The following SULT1C3 variants were observed in gnomAD, a reference collection of about 807,000 sequenced individuals.
The protein encoded by SULT1C3 is sulfotransferase 1C3.
In SULT1C3, 31 loss-of-function variants were observed where a neutral mutation model predicts 28.4. The ratio of observed to expected loss-of-function variants is 1.09; its 90% CI spans 0.82 to 1.47. The LOEUF (loss-of-function observed/expected upper bound fraction) is 1.47, where lower values mean the gene tolerates loss of function less well. Among genes scored for constraint, SULT1C3 ranks in the 40% most tolerant of loss-of-function variants. The pLI, the probability that SULT1C3 is intolerant of heterozygous loss-of-function variation, is 0.00. For missense variants in SULT1C3, 307 were observed against 272.5 expected (o/e 1.13, Z -0.89); for synonymous variants, 106 against 92.2 (o/e 1.15, Z -0.86).
At chr2:108,241,667 C>T (rs1271275729) in intron 1 of SULT1C3, among the ~76,000 whole-genome samples, 1 of 152,112 alleles carries the variant, frequency 6.6e-6, no homozygotes, top group Non-Finnish European at 1.5e-5. Flanking sequence ...GTGGCTCATG[C>T]CTGTAATCCC....
chr2:108,252,333 T>C (rs1558663770), intron 2 of SULT1C3, 32 bp from the exon 3 acceptor site: 2 of 1,575,892 alleles, frequency 1.3e-6, no homozygotes, highest in East Asian at 2.3e-5. Flanking sequence ...TTCAATTGAC[T>C]AAAATTAAAG....
rs117877224 is a variant in SULT1C3 at position 108,255,940 on chromosome 2, T to G, written c.526+242T>G. Among the ~76,000 whole-genome samples the G allele has an allele frequency of 2.8e-3, 433 of 152,170 alleles. 7 individuals carry two copies. The East Asian group carries it at 0.029, about 10-fold the overall frequency. ...GGTAAAAAGCCCCAAATCCTTGACTTGAGTTTCAAACAATCAACTTCAAAA... is the reference window on the plus strand; with the variant it reads ...GGTAAAAAGCCCCAAATCCTTGACTGGAGTTTCAAACAATCAACTTCAAAA... On this transcript the variant is annotated intron_variant, in intron 5 of 7. Coordinates refer to ENST00000681802, the MANE Select transcript of SULT1C3 (RefSeq NM_001320878.2).
chr2:108,257,740 G>GA (rs757829526), intron 5 of SULT1C3, among the ~76,000 whole-genome samples: 85 of 152,136 alleles, frequency 5.6e-4, no homozygotes, highest in Non-Finnish European at 1.0e-3. Context: ...CTATGTATAG[G>GA]AAAAAACATA....
At chr2:108,258,275 C>G (rs1046463889) in intron 5 of SULT1C3, among the ~76,000 whole-genome samples, 12 of 152,094 alleles carry the variant, frequency 7.9e-5, no homozygotes, top group African/African-American at 2.9e-4. Context: ...ATGTTTACCA[C>G]GTAGACACAG....
At chr2:108,258,606 T>G in intron 5 of SULT1C3, 128 bp from the exon 6 acceptor site, 1 of 651,898 alleles carries the variant, frequency 1.5e-6, no homozygotes, top group Non-Finnish European at 2.6e-6. Context: ...TACTAGAAAA[T>G]TATTTCCACT....
Position 108,253,324 on chromosome 2 carries a change from A to C in SULT1C3, c.302-21A>C, listed in dbSNP as rs200351879. On this transcript the variant is annotated intron_variant, in intron 3 of 7. Transcript: ENST00000681802. The stretch of plus-strand genomic sequence containing the variant: ...GCAGAGTGCCAAGAATAAACAAAGA[A>C]TATAAATTGTTTCTTGCTAGATTTG... The C allele has an allele frequency of 1.6e-4, 231 of 1,464,908 alleles. No homozygotes were observed. In the African/African-American group the frequency reaches 2.7e-3, roughly 17 times the overall value. The allele number at this position is 1,464,908 out of a possible 1,614,324, so 90.7% of individuals were successfully genotyped here.
At chr2:108,242,254 C>A (rs1488482638) in intron 1 of SULT1C3, among the ~76,000 whole-genome samples, 1 of 152,172 alleles carries the variant, frequency 6.6e-6, no homozygotes, top group Non-Finnish European at 1.5e-5. Flanking sequence ...AATTATTTTT[C>A]TTTAAGCCAA....
At chr2:108,247,165 A>G in intron 1 of SULT1C3, 23 bp from the exon 2 acceptor site, 2 of 1,406,518 alleles carry the variant, frequency 1.4e-6, no homozygotes, top group Non-Finnish European at 1.9e-6. Context: ...AATTTTAATT[A>G]GTATTGATCT....
In SULT1C3 at chr2:108,258,714, A is replaced by G; in HGVS notation, c.527-20A>G. Reference sequence around the variant, plus strand: ...TTTTGTCCCAGTACTGGGAACTAACAGTGCTCTGACTTCTTCCAGTTGTTG... The same window carrying G: ...TTTTGTCCCAGTACTGGGAACTAACGGTGCTCTGACTTCTTCCAGTTGTTG... On this transcript the variant is annotated intron_variant, in intron 5 of 7. Coordinates refer to ENST00000681802, the MANE Select transcript of SULT1C3 (RefSeq NM_001320878.2). 1 of 1,600,860 alleles carries G rather than the reference A, an allele frequency of 6.2e-7. No individual in the cohort carries two copies. The highest frequency in any genetic ancestry group is 8.5e-7 in the Non-Finnish European group (1 of 1,170,226).
downstream of SULT1C3, among the ~76,000 whole-genome samples, chr2:108,261,228 T>C (rs959832683): frequency 6.6e-6 from 1 of 152,168 alleles, no homozygotes; most frequent in Non-Finnish European, 1.5e-5. Context: ...ATTACTGCTC[T>C]ACTTTTGGCT....
chr2:108,252,786 G>C (rs1450268022), intron 3 of SULT1C3, among the ~76,000 whole-genome samples: 2 of 151,948 alleles, frequency 1.3e-5, no homozygotes, highest in African/African-American at 4.8e-5. Flanking sequence ...TCATATGTTT[G>C]AATCAGTGGA....
chr2:108,255,449 A>G, intron 4 of SULT1C3, 123 bp from the exon 5 acceptor site: 1 of 1,146,750 alleles, frequency 8.7e-7, no homozygotes, highest in Admixed American at 2.5e-5. Context: ...TTAATTCATA[A>G]CTAATGTATC....
At chr2:108,244,281 G>C (rs1005495216) in intron 1 of SULT1C3, among the ~76,000 whole-genome samples, 9 of 152,230 alleles carry the variant, frequency 5.9e-5, no homozygotes, top group African/African-American at 2.2e-4. Context: ...ACACTTCTGG[G>C]TTCCCTTCCC....
Position 108,247,209 on chromosome 2 carries a change from G to T in SULT1C3, c.15G>T (p.Glu5Asp). The T allele has an allele frequency of 6.6e-7, 1 of 1,524,506 alleles. No individual in the cohort carries two copies. Among genetic ancestry groups the T allele is most frequent in the Non-Finnish European group, 8.8e-7 (1 of 1,132,876 alleles). The allele number at this position is 1,524,506 out of a possible 1,614,324, so 94.4% of individuals were successfully genotyped here. A position where few individuals can be genotyped will look rare whatever the true frequency, so the allele number is the denominator to read the frequency against. MAKI[E>D]KNAPTMEKKP... ...CCAGATTCCCAATGGCGAAGATTGA[G>T]AAAAACGCTCCCACGATGGAAAAAA... The change falls in exon 2 of 8, where the codon GAG becomes GAT. Residue 5 changes from glutamate to aspartate, a missense_variant. Transcript: ENST00000681802.
downstream of SULT1C3, chr2:108,265,015 C>A (rs1219370291): frequency 6.3e-7 from 1 of 1,598,460 alleles, no homozygotes; most frequent in Admixed American, 1.7e-5. Context: ...GGTAGATAAG[C>A]TTTGTAGTCT....
At position 108,247,171 on chromosome 2, in the gene SULT1C3, G is replaced by T; in HGVS notation, c.-7-17G>T. On this transcript the variant is annotated splice_polypyrimidine_tract_variant and intron_variant, in intron 1 of 7. Transcript: ENST00000681802. ...ATTTTTAAAAATTTTAATTAGTATT[G>T]ATCTTACCCATCCCAGATTCCCAAT... 1 of 1,485,904 alleles carries T rather than the reference G, an allele frequency of 6.7e-7. No individual in the cohort carries two copies. The highest frequency in any genetic ancestry group is 9.0e-7 in the Non-Finnish European group (1 of 1,115,364). The allele number at this position is 1,485,904 out of a possible 1,614,324, so 92.0% of individuals were successfully genotyped here. A position where few individuals can be genotyped will look rare whatever the true frequency, so the allele number is the denominator to read the frequency against.
intron 1 of SULT1C3, among the ~76,000 whole-genome samples, chr2:108,241,343 A>C (rs1431128275): frequency 3.9e-5 from 6 of 152,262 alleles, no homozygotes; most frequent in African/African-American, 1.4e-4. Flanking sequence ...ACTCATAGAT[A>C]GTCTCCTAAT....
chr2:108,256,414 A>T (rs1235914434), intron 5 of SULT1C3, among the ~76,000 whole-genome samples: 1 of 152,128 alleles, frequency 6.6e-6, no homozygotes, highest in African/African-American at 2.4e-5. Flanking sequence ...CCATCTTTAC[A>T]TATTTGTATG....
At chr2:108,252,049 A>G (rs1675736773) in intron 2 of SULT1C3, among the ~76,000 whole-genome samples, 1 of 151,968 alleles carries the variant, frequency 6.6e-6, no homozygotes, top group Non-Finnish European at 1.5e-5. Flanking sequence ...AAGATGATAG[A>G]TAGATAGACA....
Sources: gnomAD v4.1 joint callset for allele counts (sites outside exome capture counted in the v4.1 genomes callset) on GRCh38, gnomAD v4.1.1 for gene constraint, MANE v1.5 for transcripts, NCBI Gene and HGNC (gene_info 2026-07-23, HGNC 2026-07-21) for gene names.